The following MYOF variants were observed in gnomAD, a reference collection of about 807,000 sequenced individuals.
MYOF encodes fer-1-like 3, myoferlin.
In MYOF, 244 loss-of-function variants were observed where a neutral mutation model predicts 284.2. That is an observed-to-expected ratio of 0.86 (90% confidence interval 0.77 to 0.95). The LOEUF (loss-of-function observed/expected upper bound fraction) is 0.95, where lower values mean the gene tolerates loss of function less well. Among genes scored for constraint, MYOF ranks in the 40% least tolerant of loss-of-function variants. The pLI is 0.00. For missense variants in MYOF, 2,496 were observed against 2,560.6 expected, an observed-to-expected ratio of 0.97 and a Z score of 0.54; for synonymous variants, 904 against 919.7, an observed-to-expected ratio of 0.98 and a Z score of 0.31.
intron 4 of MYOF, among the ~76,000 whole-genome samples, chr10:93,427,197 T>TAA (rs199627814): frequency 0.14 from 19,735 of 139,236 alleles, 1,438 homozygotes; most frequent in Middle Eastern, 0.2. Flanking sequence ...GACTCTGTCT[T>TAA]AAAACAAAAC....
intron 11 of MYOF, 33 bp from the exon 12 acceptor site, chr10:93,401,577 C>T (rs756240642): frequency 6.2e-7 from 1 of 1,604,680 alleles, no homozygotes; most frequent in Non-Finnish European, 8.5e-7. Context: ...ATTATACATA[C>T]AGAAAAGCAG....
At chr10:93,383,724 CT>C (rs1348775786) in intron 19 of MYOF, among the ~76,000 whole-genome samples, 1 of 151,932 alleles carries the variant, frequency 6.6e-6, no homozygotes, top group Non-Finnish European at 1.5e-5. Context: ...AGGGAAAGAG[CT>C]AAAAATAGGA....
At chr10:93,433,048 T>A (rs1848943439) in intron 3 of MYOF, among the ~76,000 whole-genome samples, 1 of 152,240 alleles carries the variant, frequency 6.6e-6, no homozygotes, top group East Asian at 1.9e-4. Context: ...TGAGAGTAGG[T>A]AAAGCGAGGA....
At chr10:93,427,286 GC>G (rs1314821923) in intron 4 of MYOF, among the ~76,000 whole-genome samples, 2 of 151,770 alleles carry the variant, frequency 1.3e-5, no homozygotes, top group African/African-American at 4.8e-5. Flanking sequence ...TTTAATCCCA[GC>G]ACTGGGAGGC....
chr10:93,379,647 T>C (rs927048207), intron 21 of MYOF, among the ~76,000 whole-genome samples: 12 of 152,328 alleles, frequency 7.9e-5, no homozygotes, highest in Middle Eastern at 3.4e-3. Context: ...TCCTGAGTGA[T>C]GGCAGAGCAA....
At chr10:93,333,623 G>A (rs993066339) in intron 42 of MYOF, 135 bp downstream of exon 42, 21 of 1,215,396 alleles carry the variant, frequency 1.7e-5, no homozygotes, top group Non-Finnish European at 2.4e-5. Flanking sequence ...CAATCCTCCT[G>A]AATACATTGT....
chr10:93,323,342 C>T lies in MYOF; in HGVS notation c.5288G>A (p.Trp1763Ter). The change falls in exon 47 of 54, where the codon TGG (tryptophan) becomes TAG (stop). Residue 1763 changes from tryptophan to a stop codon, truncating the protein, a stop_gained. Coordinates refer to ENST00000359263, the MANE Select transcript of MYOF (RefSeq NM_013451.4). LOFTEE classifies it high-confidence loss of function. ...PNISQGKLQM[W>*]VDVFPKSLGP... ...CAAACTCTTGGGGAAAACATCCACC[C>T]ACATCTGAAGTTTTCCCTAAACCAT... The T allele has an allele frequency of 6.2e-7, 1 of 1,612,894 alleles. No individual in the cohort carries two copies. The highest frequency in any genetic ancestry group is 8.5e-7 in the Non-Finnish European group (1 of 1,179,026).
At chr10:93,465,449 GGCCTGGCACACAGTAA>G (rs2134362621) in intron 1 of MYOF, among the ~76,000 whole-genome samples, 1 of 152,082 alleles carries the variant, frequency 6.6e-6, no homozygotes, top group East Asian at 1.9e-4. Flanking sequence ...CCCAGCCCAG[GGCCTGGCACACAGTAA>G]GCACTAAACA....
At chr10:93,472,077 G>A (rs2057159395) in intron 1 of MYOF, among the ~76,000 whole-genome samples, 1 of 152,178 alleles carries the variant, frequency 6.6e-6, no homozygotes, top group Non-Finnish European at 1.5e-5. Context: ...CTGGGCTCCT[G>A]CGAGGTGGGC....
chr10:93,465,752 T>C (rs2056996033), intron 1 of MYOF, among the ~76,000 whole-genome samples: 1 of 152,058 alleles, frequency 6.6e-6, no homozygotes, highest in Admixed American at 6.5e-5. Flanking sequence ...TGACGTCAGG[T>C]GATCCGCCCA....
intron 16 of MYOF, among the ~76,000 whole-genome samples, chr10:93,393,949 A>C (rs928611207): frequency 2.0e-5 from 3 of 152,362 alleles, no homozygotes; most frequent in Non-Finnish European, 4.4e-5. Flanking sequence ...TTCTCTGCAG[A>C]GAAAAGGAAA....
rs1360822172 is a variant in MYOF at position 93,448,620 on chromosome 10, G to A, written c.236+3430C>T. On this transcript the variant is annotated intron_variant, in intron 3 of 53. Transcript: ENST00000359263. ...GAAGGCCTCAACCAGGCTGGTGGCTGTGGGCTTGGGGAAGAAACACAGGCA... is the reference window on the plus strand; with the variant it reads ...GAAGGCCTCAACCAGGCTGGTGGCTATGGGCTTGGGGAAGAAACACAGGCA... 2.0e-5 allele frequency among the ~76,000 whole-genome samples: 3 copies of A among 152,176 alleles called. No homozygotes were observed. The East Asian group carries it at 5.8e-4, about 29-fold the overall frequency.
At chr10:93,410,213 C>T (rs1453473509) in intron 5 of MYOF, among the ~76,000 whole-genome samples, 1 of 152,146 alleles carries the variant, frequency 6.6e-6, no homozygotes, top group African/African-American at 2.4e-5. Context: ...TTCACAACTG[C>T]TCTTTCCACC....
At chr10:93,374,089 C>G (rs1456618120) in intron 23 of MYOF, among the ~76,000 whole-genome samples, 1 of 152,120 alleles carries the variant, frequency 6.6e-6, no homozygotes, top group Non-Finnish European at 1.5e-5. Flanking sequence ...TCAGTTCCCA[C>G]CTATGAGTGA....
In MYOF at chr10:93,339,367, TTGTGTG is replaced by T. The variant is rs35070199; in HGVS notation, c.4338+780_4338+785del. The stretch of plus-strand genomic sequence containing the variant: ...ATATGTTACATTATATGCTTCTTAT[TTGTGTG>T]TGTGTGTGTGTGTGTGTGTGAATGC... On this transcript the variant is annotated intron_variant, in intron 39 of 53. Coordinates refer to ENST00000359263, the MANE Select transcript of MYOF (RefSeq NM_013451.4). Among the ~76,000 whole-genome samples, 219 of 150,328 alleles carry T rather than the reference TTGTGTG, an allele frequency of 1.5e-3. 1 individual carries two copies. The highest frequency in any genetic ancestry group is 4.2e-3 in the African/African-American group (174 of 41,056).
intron 24 of MYOF, among the ~76,000 whole-genome samples, chr10:93,372,180 T>C (rs1436665426): frequency 6.6e-6 from 1 of 152,196 alleles, no homozygotes; most frequent in Non-Finnish European, 1.5e-5. Context: ...CTGTCCCAAA[T>C]GCAAAGAACT....
chr10:93,309,576 A>G (rs965137169), intron 53 of MYOF, among the ~76,000 whole-genome samples: 1 of 152,196 alleles, frequency 6.6e-6, no homozygotes, highest in African/African-American at 2.4e-5. Flanking sequence ...GGAGGTTGGG[A>G]TCAATGATCT....
chr10:93,447,194 T>A (rs1402585681), intron 3 of MYOF, among the ~76,000 whole-genome samples: 1 of 152,232 alleles, frequency 6.6e-6, no homozygotes, highest in Non-Finnish European at 1.5e-5. Context: ...CAGGTTCAGA[T>A]AGACTGCACG....
chr10:93,376,541 G>A (rs542112173), intron 22 of MYOF, among the ~76,000 whole-genome samples: 23 of 152,272 alleles, frequency 1.5e-4, no homozygotes, highest in African/African-American at 4.1e-4. Flanking sequence ...TTTTGGTTGC[G>A]TTTCAATTAC....
Sources: gnomAD v4.1 joint callset for allele counts (sites outside exome capture counted in the v4.1 genomes callset) on GRCh38, gnomAD v4.1.1 for gene constraint, MANE v1.5 for transcripts, NCBI Gene and HGNC (gene_info 2026-07-23, HGNC 2026-07-21) for gene names.